The following STXBP4 variants were observed in gnomAD, a reference collection of about 807,000 sequenced individuals.
The protein encoded by STXBP4 is syntaxin-binding protein 4.
In STXBP4, 55 loss-of-function variants were observed where a neutral mutation model predicts 76.1. The observed-to-expected ratio is 0.72, with a 90% CI of 0.58 to 0.91. STXBP4 has a LOEUF of 0.91. STXBP4 is among the 40% of genes least tolerant of loss of function. The pLI, the probability that STXBP4 is intolerant of heterozygous loss-of-function variation, is 0.00. For synonymous variants in STXBP4, 201 were observed against 220.2 expected (o/e 0.91, Z 0.77); for missense variants, 618 against 636.9 (o/e 0.97, Z 0.32).
intron 1 of STXBP4, among the ~76,000 whole-genome samples, chr17:54,981,751 AG>A (rs2077553815): frequency 6.6e-6 from 1 of 152,154 alleles, no homozygotes; most frequent in African/African-American, 2.4e-5. Context: ...CCAGAAGAAA[AG>A]GGGGGAAAAT....
Position 55,043,322 on chromosome 17 carries a change from T to C in STXBP4, c.942T>C (p.Leu314=), listed in dbSNP as rs373350020. The C allele has an allele frequency of 1.4e-6, 2 of 1,476,442 alleles. No homozygotes were observed. Among genetic ancestry groups the C allele is most frequent in the Non-Finnish European group, 1.8e-6 (2 of 1,104,052 alleles). The allele number at this position is 1,476,442 out of a possible 1,614,324, so 91.5% of individuals were successfully genotyped here. A position where few individuals can be genotyped will look rare whatever the true frequency, so the allele number is the denominator to read the frequency against. ...ATGCCTTGAAAGAAGTAAATACACT[T>C]AAGGTAACCTCTAATTTAGTTTCCT... is the stretch of plus-strand genomic sequence containing the variant. ...RDDALKEVNT[L]KEKLLESDKQ... is the part of the protein sequence containing the mutation. Residue 314 remains leucine (L), a synonymous_variant, in exon 11 of 18, where the codon CTT becomes CTC. Transcript: ENST00000376352.
intron 16 of STXBP4, among the ~76,000 whole-genome samples, chr17:55,114,584 T>C (rs1026455486): frequency 1.3e-5 from 2 of 152,050 alleles, no homozygotes; most frequent in Admixed American, 1.3e-4. Flanking sequence ...CTGTTAACTG[T>C]TTAAGTAATC....
rs948602193 is a variant in STXBP4 at position 55,101,896 on chromosome 17, G to C, written c.1489+20713G>C. On this transcript the variant is annotated intron_variant, in intron 16 of 17. Transcript: ENST00000376352. ...GCCAAAAGCTTGTCTGATTCCAAAT[G>C]ATACTGACATAATGGACTCATTTGT... is the stretch of plus-strand genomic sequence containing the variant. 2.6e-5 allele frequency among the ~76,000 whole-genome samples: 4 copies of C among 152,274 alleles called. No homozygotes were observed. The South Asian group carries it at 6.2e-4, about 24-fold the overall frequency.
intron 12 of STXBP4, among the ~76,000 whole-genome samples, chr17:55,058,667 ATATTCT>A (rs2078961742): frequency 6.6e-6 from 1 of 152,080 alleles, no homozygotes; most frequent in Non-Finnish European, 1.5e-5. Context: ...TTGATCGTTG[ATATTCT>A]TAGAAAGTTC....
intron 17 of STXBP4, among the ~76,000 whole-genome samples, chr17:55,146,559 A>C (rs1379840660): frequency 6.6e-6 from 1 of 152,106 alleles, no homozygotes; most frequent in African/African-American, 2.4e-5. Context: ...AAAAAAATAC[A>C]AAAAAACATT....
chr17:54,971,533 A>G (rs1028055429), intron 1 of STXBP4, among the ~76,000 whole-genome samples: 2 of 152,140 alleles, frequency 1.3e-5, no homozygotes, highest in Admixed American at 6.5e-5. Flanking sequence ...TTCAACCATA[A>G]TTACTTCCTA....
chr17:55,194,175 A>G, the STXBP4 span, among the ~76,000 whole-genome samples: 1 of 152,170 alleles, frequency 6.6e-6, no homozygotes, highest in Admixed American at 6.5e-5. Flanking sequence ...GAAAAAGGTC[A>G]TACAACTTGC....
chr17:55,026,718 A>G (rs115561745), intron 8 of STXBP4, among the ~76,000 whole-genome samples: 1,680 of 152,294 alleles, frequency 0.011, 27 homozygotes, highest in African/African-American at 0.037. Flanking sequence ...TACTGATTCT[A>G]TATTACAGGG....
intron 8 of STXBP4, among the ~76,000 whole-genome samples, chr17:55,025,140 C>CA (rs200832162): frequency 0.042 from 5,970 of 142,074 alleles, 418 homozygotes; most frequent in East Asian, 0.23. Context: ...GACTCCGTCT[C>CA]AAAAAAAAAA....
intron 1 of STXBP4, among the ~76,000 whole-genome samples, chr17:54,970,807 T>G (rs2077388381): frequency 2.0e-5 from 3 of 152,228 alleles, no homozygotes. Context: ...TATTTCATTT[T>G]TTGTATAATA....
intron 16 of STXBP4, among the ~76,000 whole-genome samples, chr17:55,082,517 C>T (rs1056047528): frequency 6.6e-6 from 1 of 151,998 alleles, no homozygotes; most frequent in African/African-American, 2.4e-5. Context: ...TCTAGTAGGA[C>T]ATTTAAACAT....
chr17:55,211,799 G>GTTTTGTTTTTTTTTTT, the STXBP4 span, among the ~76,000 whole-genome samples: 2 of 48,980 alleles, frequency 4.1e-5, no homozygotes, highest in Non-Finnish European at 4.1e-5. Context: ...GTTTTTTGTT[G>GTTTTGTTTTTTTTTTT]TTTTTTTTTT....
At position 55,169,535 on chromosome 17, in the gene STXBP4, A is replaced by T. The variant is rs1384100486; in HGVS notation, c.*9624A>T. The stretch of plus-strand genomic sequence containing the variant: ...CATGAGAGTGGTAGAGGGATCTGAA[A>T]GTGCTAGCAGTGCCTATTATACATC... On this transcript the variant is annotated 3_prime_UTR_variant, in exon 18 of 18. Coordinates refer to ENST00000376352, the MANE Select transcript of STXBP4 (RefSeq NM_178509.6). The T allele has an allele frequency of 6.6e-6, 1 of 152,234 alleles. No homozygotes were observed. The highest frequency in any genetic ancestry group is 1.5e-5 in the Non-Finnish European group (1 of 68,040). The allele number at this position is 152,234 out of a possible 1,614,324, so 9.4% of individuals were successfully genotyped here. A position where few individuals can be genotyped will look rare whatever the true frequency, so the allele number is the denominator to read the frequency against.
intron 16 of STXBP4, among the ~76,000 whole-genome samples, chr17:55,097,829 A>G (rs768598329): frequency 6.6e-6 from 1 of 152,214 alleles, no homozygotes; most frequent in Non-Finnish European, 1.5e-5. Context: ...CTATGGCATA[A>G]TAGATTTGGC....
intron 16 of STXBP4, among the ~76,000 whole-genome samples, chr17:55,121,046 C>T (rs244342): frequency 0.32 from 47,928 of 151,908 alleles, 7,691 homozygotes; most frequent in African/African-American, 0.39. Context: ...TTCCTTCTAA[C>T]ACTAAGCAAA....
intron 17 of STXBP4, among the ~76,000 whole-genome samples, chr17:55,153,652 GATTAA>G (rs950285120): frequency 7.9e-5 from 12 of 152,168 alleles, no homozygotes; most frequent in African/African-American, 2.4e-4. Context: ...TTCTTTTGTT[GATTAA>G]ATTAAGTGAA....
At chr17:55,003,670 G>A (rs1238291794) in intron 7 of STXBP4, among the ~76,000 whole-genome samples, 3 of 152,054 alleles carry the variant, frequency 2.0e-5, no homozygotes, top group African/African-American at 7.2e-5. Flanking sequence ...TTCTATTTCT[G>A]TTCTTATCTA....
intron 15 of STXBP4, among the ~76,000 whole-genome samples, chr17:55,080,026 G>C (rs1020326853): frequency 6.6e-6 from 1 of 152,080 alleles, no homozygotes; most frequent in African/African-American, 2.4e-5. Context: ...AAAATAATCA[G>C]TAATCACATT....
chr17:55,121,012 A>G (rs1046774492), intron 16 of STXBP4, among the ~76,000 whole-genome samples: 1 of 152,156 alleles, frequency 6.6e-6, no homozygotes, highest in African/African-American at 2.4e-5. Flanking sequence ...GTGTTTATAC[A>G]TGCTGGTTTT....
Sources: allele counts gnomAD v4.1 joint callset (sites outside exome capture counted in the v4.1 genomes callset), GRCh38; gene constraint gnomAD v4.1.1; transcripts MANE v1.5; gene names NCBI Gene and HGNC (gene_info 2026-07-23, HGNC 2026-07-21).